The following OSMR variants were observed in gnomAD, a reference collection of about 807,000 sequenced individuals.
The protein encoded by OSMR is oncostatin-M-specific receptor subunit beta.
Under a neutral mutation model 99.9 loss-of-function variants are expected in OSMR, and 81 were observed. The ratio of observed to expected loss-of-function variants is 0.81; its 90% CI spans 0.68 to 0.97. The LOEUF (loss-of-function observed/expected upper bound fraction) is 0.97, where lower values mean the gene tolerates loss of function less well. Ranked by LOEUF, OSMR falls within the 50% of genes least tolerant of loss-of-function variation. OSMR has a pLI of 0.00. For missense variants in OSMR, 1,099 were observed against 1,153.4 expected (o/e 0.95, Z 0.68); for synonymous variants, 406 against 410.4 (o/e 0.99, Z 0.13).
In OSMR at chr5:38,933,141, A is replaced by G; in HGVS notation, c.2637A>G (p.Lys879=). 6.2e-7 allele frequency: 1 copy of G among 1,614,212 alleles called. No individual in the cohort carries two copies. Among genetic ancestry groups the G allele is most frequent in the Non-Finnish European group, 8.5e-7 (1 of 1,180,038 alleles). ...GSCGHVPVSP[K]APSMLGLMTS... Reference sequence around the variant, plus strand: ...GTGGCCATGTTCCAGTATCCCCAAAAGCCCCAAGTATGCTGGGACTAATGA... The same window carrying G: ...GTGGCCATGTTCCAGTATCCCCAAAGGCCCCAAGTATGCTGGGACTAATGA... The change falls in exon 18 of 18, where the codon AAA becomes AAG. Residue 879 remains lysine, a synonymous_variant. Transcript: ENST00000274276.
At chr5:38,901,687 A>G (rs529346817) in intron 7 of OSMR, among the ~76,000 whole-genome samples, 16 of 152,300 alleles carry the variant, frequency 1.1e-4, no homozygotes, top group African/African-American at 3.8e-4. Context: ...CAGAGACTCC[A>G]ATCAGCGTGC....
intron 9 of OSMR, among the ~76,000 whole-genome samples, chr5:38,904,821 A>G (rs1745124497): frequency 6.6e-6 from 1 of 152,226 alleles, no homozygotes; most frequent in African/African-American, 2.4e-5. Context: ...CCTTTAATTC[A>G]GGACAGTGGA....
At chr5:38,869,400 T>A (rs1472354356) in intron 2 of OSMR, among the ~76,000 whole-genome samples, 2 of 152,172 alleles carry the variant, frequency 1.3e-5, no homozygotes, top group East Asian at 3.9e-4. Context: ...CCCATAGAAT[T>A]TCATGATGGA....
chr5:38,886,785 G>A (rs1743806440), intron 7 of OSMR: 1 of 152,186 alleles, frequency 6.6e-6, no homozygotes, highest in African/African-American at 2.4e-5. Flanking sequence ...TTTGCTCTTG[G>A]GTACATGTTA....
chr5:38,941,198 C>T (rs930501693), intron 1 of OSMR: 3 of 232,704 alleles, frequency 1.3e-5, no homozygotes, highest in African/African-American at 6.6e-5. Context: ...ACTCATAAAC[C>T]CACCTACCAC....
chr5:38,858,880 A>G (rs1257875323), intron 1 of OSMR, among the ~76,000 whole-genome samples: 1 of 152,166 alleles, frequency 6.6e-6, no homozygotes, highest in African/African-American at 2.4e-5. Flanking sequence ...CATTTTTGCC[A>G]TATACCTGTG....
At chr5:38,865,514 T>C (rs1406502910) in intron 1 of OSMR, among the ~76,000 whole-genome samples, 1 of 152,230 alleles carries the variant, frequency 6.6e-6, no homozygotes, top group Non-Finnish European at 1.5e-5. Context: ...GTAATCAGCA[T>C]TAGTAGTGTC....
At chr5:38,863,193 G>C (rs1221175455) in intron 1 of OSMR, among the ~76,000 whole-genome samples, 1 of 27,878 alleles carries the variant, frequency 3.6e-5, no homozygotes, top group African/African-American at 1.1e-4. Context: ...GGGAGAGGGA[G>C]AGGGGGAGGG....
At chr5:38,891,378 G>A (rs948952490) in intron 7 of OSMR, among the ~76,000 whole-genome samples, 4 of 152,194 alleles carry the variant, frequency 2.6e-5, no homozygotes, top group African/African-American at 7.2e-5. Flanking sequence ...GCTAGTGTGC[G>A]CTGCTCTCAC....
intron 7 of OSMR, 93 bp downstream of exon 7, chr5:38,886,283 C>T: frequency 6.2e-7 from 1 of 1,603,576 alleles, no homozygotes; most frequent in Non-Finnish European, 8.5e-7. Context: ...AGATCTTTGC[C>T]TCATTCACAG....
intron 13 of OSMR, 130 bp downstream of exon 13, chr5:38,923,384 G>A (rs1053723797): frequency 6.1e-6 from 4 of 660,748 alleles, no homozygotes; most frequent in Non-Finnish European, 1.1e-5. Context: ...TCTAGCAATT[G>A]GGTTTTTAAA....
At chr5:38,938,846 C>A (rs963752167), downstream of OSMR, 2 of 232,968 alleles carry the variant, frequency 8.6e-6, no homozygotes, top group Non-Finnish European at 1.7e-5. Context: ...TCCTAACTTA[C>A]ATTTTGGAAA....
chr5:38,860,480 T>C (rs1361239433), intron 1 of OSMR, among the ~76,000 whole-genome samples: 2 of 152,226 alleles, frequency 1.3e-5, no homozygotes, highest in Admixed American at 6.5e-5. Flanking sequence ...TAGTATTTTA[T>C]TGAGGATTTT....
At chr5:38,884,998 T>C (rs1743591549) in intron 5 of OSMR, among the ~76,000 whole-genome samples, 1 of 152,162 alleles carries the variant, frequency 6.6e-6, no homozygotes, top group Non-Finnish European at 1.5e-5. Flanking sequence ...TCTGACTGAT[T>C]TCCTTGCATC....
rs145291339 is a variant in OSMR at position 38,848,800 on chromosome 5, G to C, written c.-14+2413G>C. Among the ~76,000 whole-genome samples, 408 of 152,202 alleles carry C rather than the reference G, an allele frequency of 2.7e-3. 4 individuals are homozygous for C. The highest frequency in any genetic ancestry group is 9.3e-3 in the African/African-American group (388 of 41,522). ...ATTCTTTTTGTGTGTGTGTGAGATG[G>C]TCTCACTCTGTCACACAGGCAGAAG... On this transcript the variant is annotated intron_variant, in intron 1 of 17. Transcript: ENST00000274276.
chr5:38,864,987 GA>G (rs1419953736), intron 1 of OSMR, among the ~76,000 whole-genome samples: 1 of 152,046 alleles, frequency 6.6e-6, no homozygotes, highest in Non-Finnish European at 1.5e-5. Flanking sequence ...TCGCTTTTAT[GA>G]CTGAGTTATT....
At chr5:38,885,740 G>C in intron 6 of OSMR, 1 of 425,072 alleles carries the variant, frequency 2.4e-6, no homozygotes, top group South Asian at 9.7e-5. Flanking sequence ...AAATAGTCCT[G>C]TCTGATAATC....
chr5:38,930,920 T>TTG (rs55964556), intron 15 of OSMR, among the ~76,000 whole-genome samples: 9,409 of 141,728 alleles, frequency 0.066, 326 homozygotes, highest in Admixed American at 0.092. Context: ...CAGAAGCATT[T>TTG]TGTGTGTGTG....
intron 12 of OSMR, 94 bp from the exon 13 acceptor site, chr5:38,923,056 G>A (rs368344881): frequency 3.1e-5 from 46 of 1,503,738 alleles, no homozygotes; most frequent in Non-Finnish European, 3.5e-5. Flanking sequence ...GATTTCAGGC[G>A]TGAGCCAACG....
Sources: allele counts gnomAD v4.1 joint callset (sites outside exome capture counted in the v4.1 genomes callset), GRCh38; gene constraint gnomAD v4.1.1; transcripts MANE v1.5; gene names NCBI Gene and HGNC (gene_info 2026-07-23, HGNC 2026-07-21).